The following IFNG-AS1 variants were observed in gnomAD, a reference collection of about 807,000 sequenced individuals.
IFNG-AS1 encodes the protein IFNG antisense RNA 1 (non-protein coding).
chr12:68,002,497 C>T (rs1280815554), intron 2 of IFNG-AS1, among the ~76,000 whole-genome samples: 1 of 152,186 alleles, frequency 6.6e-6, no homozygotes, highest in Non-Finnish European at 1.5e-5. Context: ...TTTTAAAAAT[C>T]TTTGATAGGG....
chr12:68,015,905 G>A (rs773611826), intron 3 of IFNG-AS1, among the ~76,000 whole-genome samples: 15 of 151,698 alleles, frequency 9.9e-5, no homozygotes, highest in Non-Finnish European at 1.9e-4. Flanking sequence ...GTTACTTCAC[G>A]GTTTAGTGCC....
chr12:67,996,399 CTTG>C (rs1189972568), intron 2 of IFNG-AS1, among the ~76,000 whole-genome samples: 2 of 152,172 alleles, frequency 1.3e-5, no homozygotes, highest in East Asian at 3.8e-4. Context: ...AAAGATCATA[CTTG>C]TTGTATAGTG....
At chr12:68,003,371 C>G (rs1450008691) in intron 2 of IFNG-AS1, among the ~76,000 whole-genome samples, 1 of 151,430 alleles carries the variant, frequency 6.6e-6, no homozygotes, top group Admixed American at 6.6e-5. Flanking sequence ...AAAAGCCTAC[C>G]TAGAACCTAC....
At chr12:68,003,960 G>GCAATA (rs60212780) in intron 2 of IFNG-AS1, among the ~76,000 whole-genome samples, 8,178 of 150,620 alleles carry the variant, frequency 0.054, 431 homozygotes, top group East Asian at 0.25. Context: ...AGGCTATGTT[G>GCAATA]GTTTGTATGT....
intron 1 of IFNG-AS1, among the ~76,000 whole-genome samples, chr12:67,991,322 A>C (rs76170112): frequency 0.014 from 2,100 of 152,324 alleles, 18 homozygotes; most frequent in Non-Finnish European, 0.022. Flanking sequence ...TCTGAAAAGG[A>C]AGTGACTGCA....
chr12:68,001,475 T>C, intron 2 of IFNG-AS1: 1 of 256,490 alleles, frequency 3.9e-6, no homozygotes, highest in Non-Finnish European at 7.8e-6. Flanking sequence ...CTGATTCCAC[T>C]AGGGAATGGG....
rs148492175 is a variant in IFNG-AS1, at chr12:68,002,999, G to A, written n.185-3091G>A. 1.3e-3 allele frequency among the ~76,000 whole-genome samples: 192 copies of A among 152,194 alleles called. No individual in the cohort carries two copies. The Middle Eastern group carries it at 0.014, about 11-fold the overall frequency. ...TATTCTAGATATAAGGACTAAGAGC[G>A]TGTGTTATTTAGTATGTTGCTTTAC... On this transcript the variant is annotated intron_variant and non_coding_transcript_variant, in intron 2 of 5. Transcript: ENST00000536914.
At chr12:68,016,725 A>T (rs1880164069) in intron 3 of IFNG-AS1, among the ~76,000 whole-genome samples, 1 of 152,172 alleles carries the variant, frequency 6.6e-6, no homozygotes, top group Admixed American at 6.5e-5. Context: ...TTTAAGTGGA[A>T]TCACTTAAAT....
At chr12:68,010,892 G>A (rs1048654800) in intron 3 of IFNG-AS1, among the ~76,000 whole-genome samples, 6 of 152,190 alleles carry the variant, frequency 3.9e-5, no homozygotes, top group Admixed American at 6.5e-5. Context: ...GGAGGATGGT[G>A]ACAATTTCCT....
chr12:68,001,463 A>T, intron 2 of IFNG-AS1: 1 of 250,154 alleles, frequency 4.0e-6, no homozygotes, highest in Non-Finnish European at 8.1e-6. Context: ...ACCAGTTTTC[A>T]TCTGATTCCA....
intron 1 of IFNG-AS1, among the ~76,000 whole-genome samples, chr12:67,995,514 A>T (rs1879619034): frequency 6.6e-6 from 1 of 151,242 alleles, no homozygotes; most frequent in South Asian, 2.1e-4. Flanking sequence ...CGAGGTCAGG[A>T]GATCGAGACC....
intron 1 of IFNG-AS1, among the ~76,000 whole-genome samples, chr12:67,993,239 C>T (rs976753418): frequency 6.6e-6 from 1 of 152,198 alleles, no homozygotes; most frequent in Non-Finnish European, 1.5e-5. Context: ...AAATCACCCT[C>T]TGTTTTTTAC....
chr12:68,013,840 C>G lies in IFNG-AS1; in HGVS notation n.242-6022C>G, dbSNP rs145374739. ...TTGGGGTACAGGTGGTGTTTGGTTA[C>G]ATGAGTAAGTTATTTAGTGGTGATT... On this transcript the variant is annotated intron_variant and non_coding_transcript_variant, in intron 3 of 5. Transcript: ENST00000536914. 6.7e-3 allele frequency among the ~76,000 whole-genome samples: 1,022 copies of G among 152,244 alleles called. 6 individuals carry two copies. The highest frequency in any genetic ancestry group is 0.01 in the Non-Finnish European group (704 of 68,000).
At chr12:68,004,122 AACTTCAAATACT>A (rs1425696344) in intron 2 of IFNG-AS1, among the ~76,000 whole-genome samples, 4 of 152,100 alleles carry the variant, frequency 2.6e-5, no homozygotes, top group African/African-American at 9.7e-5. Flanking sequence ...TAGGGATAAA[AACTTCAAATACT>A]ACTTCAAATA....
intron 1 of IFNG-AS1, among the ~76,000 whole-genome samples, chr12:67,991,732 CAT>C (rs1879518218): frequency 6.6e-6 from 1 of 152,216 alleles, no homozygotes; most frequent in South Asian, 2.1e-4. Flanking sequence ...TATGCCCTCA[CAT>C]GACTCCTCTC....
chr12:67,990,598 C>CT (rs34563503), intron 1 of IFNG-AS1, among the ~76,000 whole-genome samples: 300 of 147,974 alleles, frequency 2.0e-3, no homozygotes, highest in Admixed American at 3.3e-3. Context: ...TACATTAATA[C>CT]TTTTTTTTTT....
In IFNG-AS1 at chr12:67,999,091, TGATA is replaced by T. The variant is rs376873963; in HGVS notation, n.184+3026_184+3029del. 6.7e-4 allele frequency among the ~76,000 whole-genome samples: 102 copies of T among 152,096 alleles called. 1 individual carries two copies. In the South Asian group the frequency reaches 0.014, roughly 21 times the overall value. ...CAAATGTATTGGTATGAACTGATGG[TGATA>T]GATAGATGATAGATAATAGATAATA... On this transcript the variant is annotated intron_variant and non_coding_transcript_variant, in intron 2 of 5. Coordinates refer to ENST00000536914, the Ensembl canonical transcript of IFNG-AS1.
intron 1 of IFNG-AS1, among the ~76,000 whole-genome samples, chr12:67,990,894 AT>A (rs148384284): frequency 0.04 from 6,098 of 151,716 alleles, 184 homozygotes; most frequent in Non-Finnish European, 0.061. Flanking sequence ...TACATAAATA[AT>A]TTTTTTTTAA....
chr12:68,019,225 C>T (rs1214298347), intron 3 of IFNG-AS1, among the ~76,000 whole-genome samples: 5 of 152,128 alleles, frequency 3.3e-5, no homozygotes, highest in Admixed American at 6.5e-5. Flanking sequence ...GTTCCGTGCT[C>T]ATTAAAGTTA....
Sources: gnomAD v4.1 joint callset for allele counts (sites outside exome capture counted in the v4.1 genomes callset) on GRCh38, gnomAD v4.1.1 for gene constraint, MANE v1.5 for transcripts, NCBI Gene and HGNC (gene_info 2026-07-23, HGNC 2026-07-21) for gene names.